The following ROBO2 variants were observed in gnomAD, a reference collection of about 807,000 sequenced individuals.
ROBO2 encodes roundabout guidance receptor 2.
In ROBO2, 53 loss-of-function variants were observed where a neutral mutation model predicts 160.8. The observed-to-expected ratio is 0.33, with a 90% CI of 0.26 to 0.41. The LOEUF is 0.41. Among genes scored for constraint, ROBO2 ranks in the 10% least tolerant of loss-of-function variants. ROBO2 has a pLI of 1.00. For synonymous variants in ROBO2, 664 were observed against 611.7 expected, an observed-to-expected ratio of 1.09 and a Z score of -1.26; for missense variants, 1,577 against 1,722.4, an observed-to-expected ratio of 0.92 and a Z score of 1.49.
At chr3:77,617,149 A>G (rs2094798136) in intron 21 of ROBO2, among the ~76,000 whole-genome samples, 1 of 152,220 alleles carries the variant, frequency 6.6e-6, no homozygotes, top group Admixed American at 6.5e-5. Flanking sequence ...AAGTATGAAC[A>G]GGAGAAGGAA....
chr3:77,532,170 A>G (rs375254815), intron 6 of ROBO2, among the ~76,000 whole-genome samples: 2 of 151,816 alleles, frequency 1.3e-5, no homozygotes, highest in East Asian at 1.9e-4. Context: ...CTGTCCATTG[A>G]ACAGGAGGAG....
At chr3:76,981,510 A>G (rs1357044105) in intron 2 of ROBO2, among the ~76,000 whole-genome samples, 2 of 151,888 alleles carry the variant, frequency 1.3e-5, no homozygotes, top group South Asian at 4.1e-4. Context: ...TGATTGGGTG[A>G]TTTTTGTTTT....
rs10640175 is a variant in ROBO2 at position 77,014,776 on chromosome 3, A to AAGAG, written c.110-83222_110-83219dup. Among the ~76,000 whole-genome samples the AAGAG allele has an allele frequency of 2.1e-3, 310 of 150,150 alleles. 2 individuals are homozygous for AAGAG. Among genetic ancestry groups the AAGAG allele is most frequent in the African/African-American group, 7.1e-3 (292 of 41,066 alleles). On this transcript the variant is annotated intron_variant, in intron 2 of 26. Transcript: ENST00000487694. The stretch of plus-strand genomic sequence containing the variant: ...GGAGAGCCAGGTGATGGCCATTTGC[A>AAGAG]AGAGAGAGAGAGAGAGAGAAAGAAA...
chr3:77,545,258 T>C (rs2092654803), intron 6 of ROBO2, among the ~76,000 whole-genome samples: 1 of 152,144 alleles, frequency 6.6e-6, no homozygotes, highest in South Asian at 2.1e-4. Context: ...CAAAAGTGTT[T>C]ACATAACTTG....
At chr3:76,661,215 G>A (rs2091803896) in intron 2 of ROBO2, among the ~76,000 whole-genome samples, 1 of 152,102 alleles carries the variant, frequency 6.6e-6, no homozygotes, top group Non-Finnish European at 1.5e-5. Flanking sequence ...GCAGTTCCTG[G>A]AAGTTCCTGG....
chr3:77,472,781 G>C (rs1430926238), intron 2 of ROBO2, among the ~76,000 whole-genome samples: 1 of 151,888 alleles, frequency 6.6e-6, no homozygotes, highest in Non-Finnish European at 1.5e-5. Context: ...TATTTACTGG[G>C]TACAATGTAC....
At chr3:77,542,875 T>G (rs554231304) in intron 6 of ROBO2, among the ~76,000 whole-genome samples, 2 of 152,024 alleles carry the variant, frequency 1.3e-5, no homozygotes, top group African/African-American at 4.8e-5. Context: ...GATTATATCT[T>G]TCTTACAAAA....
rs1237431937 is a variant in ROBO2 at position 76,555,331 on chromosome 3, A to AGAGGAAGAG, written c.110-542673_110-542665dup. Among the ~76,000 whole-genome samples, 12 of 135,440 alleles carry AGAGGAAGAG rather than the reference A, an allele frequency of 8.9e-5. 1 individual carries two copies. The East Asian group carries it at 2.4e-3, about 27-fold the overall frequency. 88.9% of individuals were successfully genotyped at this position (135,440 alleles called of 152,430 possible). Reference sequence around the variant, plus strand: ...CCCAGGAGCATGTCAAAAAAGAAGAAGAGGAAGAGGAGGAAGAGTAGGAAG... The same window carrying AGAGGAAGAG: ...CCCAGGAGCATGTCAAAAAAGAAGAAGAGGAAGAGGAGGAAGAGGAGGAAGAGTAGGAAG... On this transcript the variant is annotated intron_variant, in intron 2 of 26. Transcript: ENST00000487694.
chr3:76,935,617 G>C (rs998327287), intron 2 of ROBO2, among the ~76,000 whole-genome samples: 2 of 152,100 alleles, frequency 1.3e-5, no homozygotes, highest in Non-Finnish European at 2.9e-5. Flanking sequence ...AGTTCTAGAG[G>C]CTGAGAAGTC....
At chr3:77,422,170 A>G (rs1162299975) in intron 2 of ROBO2, among the ~76,000 whole-genome samples, 1 of 152,200 alleles carries the variant, frequency 6.6e-6, no homozygotes, top group Non-Finnish European at 1.5e-5. Context: ...CTAACTGCAC[A>G]AGCATCCCAC....
intron 2 of ROBO2, among the ~76,000 whole-genome samples, chr3:76,157,311 T>G (rs986642376): frequency 5.5e-4 from 83 of 152,230 alleles, no homozygotes; most frequent in South Asian, 8.3e-4. Flanking sequence ...GCTTTTTTTT[T>G]GGGGTGGGGG....
chr3:77,556,690 T>C (rs2093134712), intron 8 of ROBO2, among the ~76,000 whole-genome samples: 1 of 151,966 alleles, frequency 6.6e-6, no homozygotes, highest in Admixed American at 6.6e-5. Flanking sequence ...TTGTATACAT[T>C]GCAATACAAG....
At chr3:76,779,698 G>A (rs2062509635) in intron 2 of ROBO2, among the ~76,000 whole-genome samples, 1 of 150,908 alleles carries the variant, frequency 6.6e-6, no homozygotes, top group African/African-American at 2.4e-5. Flanking sequence ...CTTTTTTAAG[G>A]CTAGTCAAGT....
At chr3:75,939,889 A>C (rs573356959) in intron 2 of ROBO2, among the ~76,000 whole-genome samples, 1 of 152,262 alleles carries the variant, frequency 6.6e-6, no homozygotes, top group African/African-American at 2.4e-5. Flanking sequence ...AGAATACATG[A>C]AAATTTATAA....
chr3:77,184,647 G>C (rs1427864120), intron 2 of ROBO2, among the ~76,000 whole-genome samples: 2 of 151,920 alleles, frequency 1.3e-5, no homozygotes, highest in African/African-American at 4.8e-5. Flanking sequence ...CAAAAGGTAA[G>C]AAAATATATG....
chr3:76,387,476 T>G (rs965522442), intron 2 of ROBO2, among the ~76,000 whole-genome samples: 9 of 152,276 alleles, frequency 5.9e-5, no homozygotes, highest in Non-Finnish European at 1.3e-4. Flanking sequence ...GCAGAGATTT[T>G]TACTGTTTAA....
At chr3:76,366,779 C>G (rs2075833350) in intron 2 of ROBO2, among the ~76,000 whole-genome samples, 1 of 151,874 alleles carries the variant, frequency 6.6e-6, no homozygotes, top group Non-Finnish European at 1.5e-5. Flanking sequence ...AATATCTCTT[C>G]AAATGTAGTT....
At chr3:77,632,774 C>A in intron 23 of ROBO2, 2 of 889,718 alleles carry the variant, frequency 2.2e-6, no homozygotes, top group Non-Finnish European at 3.2e-6. Context: ...CTTTAATACG[C>A]ATGAATACAG....
chr3:77,047,423 G>T (rs183805435), intron 1 of ROBO2, among the ~76,000 whole-genome samples: 1 of 152,078 alleles, frequency 6.6e-6, no homozygotes, highest in Non-Finnish European at 1.5e-5. Context: ...GGTGGCTCAC[G>T]CCTGTAATCC....
Sources: allele counts gnomAD v4.1 joint callset (sites outside exome capture counted in the v4.1 genomes callset), GRCh38; gene constraint gnomAD v4.1.1; transcripts MANE v1.5; gene names NCBI Gene and HGNC (gene_info 2026-07-23, HGNC 2026-07-21).